GGNBP2: variants seen among roughly 807,000 people sequenced by gnomAD.
GGNBP2 encodes the protein gametogenetin-binding protein 2.
GGNBP2 carries 10 observed loss-of-function variants against 85.9 expected under a neutral mutation model. The ratio of observed to expected loss-of-function variants is 0.12; its 90% confidence interval spans 0.07 to 0.20. The LOEUF (loss-of-function observed/expected upper bound fraction) is 0.20, where lower values mean the gene tolerates loss of function less well. Ranked by LOEUF, GGNBP2 falls within the 10% of genes least tolerant of loss-of-function variation. GGNBP2 has a pLI of 1.00. For synonymous variants in GGNBP2, 287 were observed against 285.7 expected (o/e 1.00, Z -0.05); for missense variants, 595 against 857.8 (o/e 0.69, Z 3.83).
chr17:36,574,274 T>G lies in GGNBP2; in HGVS notation c.642-3709T>G, dbSNP rs552300692. On this transcript the variant is annotated intron_variant, in intron 6 of 13. Transcript: ENST00000613102. ...GTGCTGGGACATTTGGTTTTCCATG[T>G]GAAAAAAATATAAATAAAAATATGT... Among the ~76,000 whole-genome samples the G allele has an allele frequency of 2.0e-5, 3 of 152,288 alleles. No individual in the cohort carries two copies. The South Asian group carries it at 6.2e-4, about 32-fold the overall frequency.
intron 4 of GGNBP2, among the ~76,000 whole-genome samples, chr17:36,559,960 G>C (rs932762124): frequency 2.6e-5 from 4 of 152,064 alleles, no homozygotes; most frequent in African/African-American, 9.7e-5. Flanking sequence ...TCAGCCTCCT[G>C]AGAAGCTGGG....
chr17:36,578,097 C>G lies in GGNBP2; in HGVS notation c.756C>G (p.Cys252Trp). 1 of 1,614,142 alleles carries G rather than the reference C, an allele frequency of 6.2e-7. No individual in the cohort carries two copies. The highest frequency in any genetic ancestry group is 8.5e-7 in the Non-Finnish European group (1 of 1,180,000). Residue 252 changes from cysteine to tryptophan, a missense_variant, in exon 7 of 14, where the codon TGC (cysteine) becomes TGG (tryptophan). By Grantham distance (215) the Cys-to-Trp change is radical. This residue lies in a region of GGNBP2 where 92 missense variants were observed against 183.9 expected (regional missense o/e 0.50). Transcript: ENST00000613102. ...CTGCACTTTATGAAGGCTTGCGGTGCTGTCCACATGAACGACACATACATG... is the reference window on the plus strand; with the variant it reads ...CTGCACTTTATGAAGGCTTGCGGTGGTGTCCACATGAACGACACATACATG... ...YCAALYEGLR[C>W]CPHERHIHVC...
At chr17:36,577,019 A>G (rs1043140644) in intron 6 of GGNBP2, 4 of 152,208 alleles carry the variant, frequency 2.6e-5, no homozygotes, top group African/African-American at 9.6e-5. Flanking sequence ...CTGTAGAGTC[A>G]CAAGTCATCT....
intron 13 of GGNBP2, among the ~76,000 whole-genome samples, chr17:36,588,681 C>G (rs1277680193): frequency 2.0e-5 from 3 of 151,330 alleles, no homozygotes; most frequent in Admixed American, 6.6e-5. Context: ...CTCACTGTAG[C>G]CTCTGCCTCC....
Position 36,578,177 on chromosome 17 carries a change from T to A in GGNBP2, c.836T>A (p.Phe279Tyr), listed in dbSNP as rs748718311. The change falls in exon 7 of 14, where the codon TTC becomes TAC. Residue 279 changes from phenylalanine (F) to tyrosine (Y), a missense_variant. Transcript: ENST00000613102. ...CTTTTGGGTCGTGCTGAGCCAGAGT[T>A]CGCAGGAGGGTATGAGTATGTAATT... Reference protein sequence around the residue: ...AHLLGRAEPEFAGGRRERHAK... With the variant: ...AHLLGRAEPEYAGGRRERHAK... 33 of 1,608,346 alleles carry A rather than the reference T, an allele frequency of 2.1e-5. No homozygotes were observed. Among genetic ancestry groups the A allele is most frequent in the Non-Finnish European group, 2.7e-5 (32 of 1,175,210 alleles).
At chr17:36,586,784 A>G (rs940232226) in intron 12 of GGNBP2, 10 of 470,866 alleles carry the variant, frequency 2.1e-5, no homozygotes, top group Admixed American at 3.6e-5. Context: ...ATGGCTGGCT[A>G]ATTTTTGCAT....
intron 11 of GGNBP2, 29 bp from the exon 12 acceptor site, chr17:36,586,021 T>C (rs376997321): frequency 6.2e-7 from 1 of 1,613,588 alleles, no homozygotes; most frequent in African/African-American, 1.3e-5. Flanking sequence ...CTTAAGAACA[T>C]AAATAAGAAG....
chr17:36,555,016 A>T lies in GGNBP2; in HGVS notation c.174+116A>T, dbSNP rs1359909610. On this transcript the variant is annotated intron_variant, in intron 3 of 13. Transcript: ENST00000613102. ...CTCTAGGTCTTAATATTGCACTGGA[A>T]TTGCTCTTTCACCATTGCTATAGTA... is the stretch of plus-strand genomic sequence containing the variant. The T allele has an allele frequency of 2.5e-5, 16 of 629,944 alleles. No homozygotes were observed. The South Asian group carries it at 3.3e-4, about 13-fold the overall frequency. The allele number at this position is 629,944 out of a possible 1,614,324, so 39.0% of individuals were successfully genotyped here.
At chr17:36,588,673 C>T (rs2074728555) in intron 13 of GGNBP2, among the ~76,000 whole-genome samples, 1 of 151,446 alleles carries the variant, frequency 6.6e-6, no homozygotes, top group Admixed American at 6.6e-5. Flanking sequence ...GATCTTGGCT[C>T]ACTGTAGCCT....
At chr17:36,575,455 T>C (rs2074567684) in intron 6 of GGNBP2, 1 of 164,282 alleles carries the variant, frequency 6.1e-6, no homozygotes, top group Admixed American at 6.4e-5. Flanking sequence ...TCTAGTTTTA[T>C]GGTTTTCAGA....
intron 4 of GGNBP2, among the ~76,000 whole-genome samples, chr17:36,559,942 C>G (rs2074400850): frequency 6.6e-6 from 1 of 152,140 alleles, no homozygotes; most frequent in Non-Finnish European, 1.5e-5. Context: ...TCAAGTGATT[C>G]TCGTGCCTCA....
chr17:36,575,019 T>A (rs2074562475), intron 6 of GGNBP2: 1 of 1,524,914 alleles, frequency 6.6e-7, no homozygotes, highest in Admixed American at 1.9e-5. Flanking sequence ...GGCATAATCT[T>A]CAAAACCTCG....
chr17:36,585,620 T>C, intron 10 of GGNBP2, 170 bp downstream of exon 10: 1 of 626,336 alleles, frequency 1.6e-6, no homozygotes, highest in Non-Finnish European at 2.6e-6. Context: ...CTTTATGTTC[T>C]TTGACTTATT....
At chr17:36,571,096 A>T (rs1319120374) in intron 6 of GGNBP2, among the ~76,000 whole-genome samples, 1 of 152,216 alleles carries the variant, frequency 6.6e-6, no homozygotes, top group Non-Finnish European at 1.5e-5. Context: ...GTGATAGAAC[A>T]TCATTAGAAA....
chr17:36,584,199 C>G (rs762029573), intron 9 of GGNBP2, among the ~76,000 whole-genome samples: 1 of 152,242 alleles, frequency 6.6e-6, no homozygotes, highest in East Asian at 1.9e-4. Context: ...CCAAGTCTCT[C>G]AGTTTGTCTC....
intron 6 of GGNBP2, among the ~76,000 whole-genome samples, chr17:36,571,735 T>C (rs1242373647): frequency 6.6e-6 from 1 of 151,932 alleles, no homozygotes; most frequent in Admixed American, 6.6e-5. Flanking sequence ...CCCAGCTACT[T>C]GGGAGGCTGA....
chr17:36,557,301 T>C lies in GGNBP2; in HGVS notation c.393T>C (p.Asp131=), dbSNP rs767012655. The change falls in exon 4 of 14, where the codon GAT becomes GAC. Residue 131 remains aspartate, a synonymous_variant. Transcript: ENST00000613102. ...CTGTAACTAGAAGCTGCATGACTGATGCAAAGAAGCTTTATACATTATTTT... is the reference window on the plus strand; with the variant it reads ...CTGTAACTAGAAGCTGCATGACTGACGCAAAGAAGCTTTATACATTATTTT... ...VLSVTRSCMT[D]AKKLYTLFYV... 3 of 1,613,858 alleles carry C rather than the reference T, an allele frequency of 1.9e-6. No individual in the cohort carries two copies. In the East Asian group the frequency reaches 6.7e-5, roughly 36 times the overall value.
chr17:36,557,562 G>T (rs961174622), intron 4 of GGNBP2, among the ~76,000 whole-genome samples: 2 of 152,134 alleles, frequency 1.3e-5, no homozygotes, highest in Non-Finnish European at 2.9e-5. Flanking sequence ...AATCAGTAAG[G>T]GAGGTAGAGA....
At chr17:36,566,762 T>A (rs753843071) in intron 5 of GGNBP2, among the ~76,000 whole-genome samples, 1 of 152,158 alleles carries the variant, frequency 6.6e-6, no homozygotes, top group Non-Finnish European at 1.5e-5. Context: ...TTTTAGTAAA[T>A]GTAAAACTTA....
Sources: gnomAD v4.1 joint callset for allele counts (sites outside exome capture counted in the v4.1 genomes callset) on GRCh38, gnomAD v4.1.1 for gene constraint, gnomAD v4.1.1 regional missense constraint, MANE v1.5 for transcripts, NCBI Gene and HGNC (gene_info 2026-07-23, HGNC 2026-07-21) for gene names.